The following SH3BGRL variants were observed in gnomAD, a reference collection of about 807,000 sequenced individuals.
SH3BGRL encodes the protein adapter SH3BGRL.
Under a neutral mutation model 9.8 loss-of-function variants are expected in SH3BGRL, and 7 were observed. That is an observed-to-expected ratio of 0.72 (90% CI 0.41 to 1.35). SH3BGRL has a LOEUF of 1.35. Ranked by LOEUF, SH3BGRL falls within the 40% of genes most tolerant of loss-of-function variation. SH3BGRL has a pLI of 0.01. For missense variants in SH3BGRL, 73 were observed against 84.4 expected, an observed-to-expected ratio of 0.86 and a Z score of 0.53; for synonymous variants, 36 against 29.1, an observed-to-expected ratio of 1.24 and a Z score of -0.76.
chrX:81,280,314 C>T (rs985429232), intron 3 of SH3BGRL, among the ~76,000 whole-genome samples: 2 of 111,151 alleles, frequency 1.8e-5, no homozygotes, highest in African/African-American at 6.6e-5. Flanking sequence ...GGTCCCTCTC[C>T]GCAATACTAC....
intron 1 of SH3BGRL, among the ~76,000 whole-genome samples, chrX:81,209,721 C>T (rs1003314531): frequency 1.4e-4 from 16 of 112,174 alleles, no homozygotes; most frequent in African/African-American, 5.2e-4. Context: ...CAAATGTGTT[C>T]TCATTCATAA....
chrX:81,212,804 T>C (rs1272922828), intron 1 of SH3BGRL, among the ~76,000 whole-genome samples: 1 of 111,969 alleles, frequency 8.9e-6, no homozygotes, highest in Non-Finnish European at 1.9e-5. Flanking sequence ...ACACAGCATG[T>C]GTGCACTTTC....
At chrX:81,236,227 G>T (rs2075647481) in intron 1 of SH3BGRL, among the ~76,000 whole-genome samples, 1 of 111,564 alleles carries the variant, frequency 9.0e-6, no homozygotes. Context: ...CATGCTAGGT[G>T]TGGAAAAATG....
intron 1 of SH3BGRL, chrX:81,202,634 A>G (rs1377054507): frequency 1.5e-6 from 1 of 680,788 alleles, no homozygotes; most frequent in Non-Finnish European, 1.8e-6. Context: ...GACAAGGAGG[A>G]GTGCACTTCT....
Position 81,248,234 on chromosome X carries a change from C to CA in SH3BGRL, c.46-28749dup, listed in dbSNP as rs200927105. 9.1e-3 allele frequency among the ~76,000 whole-genome samples: 1,010 copies of CA among 111,456 alleles called. 9 individuals are homozygous for CA. The highest frequency in any genetic ancestry group is 0.031 in the African/African-American group (945 of 30,643). On this transcript the variant is annotated intron_variant, in intron 1 of 3. Transcript: ENST00000373212. The stretch of plus-strand genomic sequence containing the variant: ...AATCTAGATAGTGTATGTCTTTCAG[C>CA]AGGTTTTATATTGTACCATGCAGGT...
chrX:81,270,330 C>T (rs762390875), intron 1 of SH3BGRL, among the ~76,000 whole-genome samples: 5 of 111,861 alleles, frequency 4.5e-5, no homozygotes, highest in Non-Finnish European at 9.4e-5. Context: ...CCTTTCTGCT[C>T]TGGTTTCTCA....
intron 3 of SH3BGRL, among the ~76,000 whole-genome samples, chrX:81,293,500 T>C (rs2075864604): frequency 9.0e-6 from 1 of 111,537 alleles, no homozygotes; most frequent in African/African-American, 3.3e-5. Flanking sequence ...CTGGCCAACA[T>C]GCTGAAACCC....
At chrX:81,264,446 A>T (rs964324764) in intron 1 of SH3BGRL, among the ~76,000 whole-genome samples, 12 of 111,900 alleles carry the variant, frequency 1.1e-4, no homozygotes, top group Non-Finnish European at 1.9e-4. Flanking sequence ...TGATATTCAG[A>T]AAACACTTAA....
At chrX:81,238,846 C>T (rs1453163025) in intron 1 of SH3BGRL, among the ~76,000 whole-genome samples, 2 of 106,248 alleles carry the variant, frequency 1.9e-5, no homozygotes, top group Admixed American at 1.0e-4. Flanking sequence ...GACTCCATTG[C>T]TTGGGAGAAG....
At chrX:81,205,306 A>G (rs1156380333) in intron 1 of SH3BGRL, among the ~76,000 whole-genome samples, 2 of 110,652 alleles carry the variant, frequency 1.8e-5, no homozygotes, top group Non-Finnish European at 3.8e-5. Context: ...TAGCTCCCAC[A>G]TGGGTGAGAA....
At chrX:81,275,425 C>T (rs2075795765) in intron 1 of SH3BGRL, among the ~76,000 whole-genome samples, 1 of 111,263 alleles carries the variant, frequency 9.0e-6, no homozygotes, top group South Asian at 3.8e-4. Flanking sequence ...AATAGGACAT[C>T]TTTATATCTA....
At chrX:81,291,804 T>A (rs1396936902) in intron 3 of SH3BGRL, among the ~76,000 whole-genome samples, 1 of 112,006 alleles carries the variant, frequency 8.9e-6, no homozygotes, top group Admixed American at 9.4e-5. Context: ...TGGCCAAAAC[T>A]GACAAAATTG....
intron 1 of SH3BGRL, among the ~76,000 whole-genome samples, chrX:81,228,872 G>A (rs1409360904): frequency 8.9e-6 from 1 of 111,900 alleles, no homozygotes; most frequent in Non-Finnish European, 1.9e-5. Context: ...TGCCACAAAT[G>A]ACTTATAGCT....
intron 1 of SH3BGRL, among the ~76,000 whole-genome samples, chrX:81,247,990 A>G (rs1490568262): frequency 9.3e-6 from 1 of 107,758 alleles, no homozygotes; most frequent in Non-Finnish European, 1.9e-5. Flanking sequence ...GGAACTCAGT[A>G]TTGGCCTGTT....
intron 1 of SH3BGRL, among the ~76,000 whole-genome samples, chrX:81,205,210 C>T (rs2075543071): frequency 9.0e-6 from 1 of 110,893 alleles, no homozygotes; most frequent in Non-Finnish European, 1.9e-5. Flanking sequence ...TAACCAACCT[C>T]TCTTAATCCT....
rs189286140 is a variant in SH3BGRL, at chrX:81,297,917, G to A, written c.*690G>A. On this transcript the variant is annotated 3_prime_UTR_variant, in exon 4 of 4. Transcript: ENST00000373212. Reference sequence around the variant, plus strand: ...GTTCCTTGTTTAACTACACAGCTATGATGGAATGATATATCCAAGTTCCTT... The same window carrying A: ...GTTCCTTGTTTAACTACACAGCTATAATGGAATGATATATCCAAGTTCCTT... The A allele has an allele frequency of 8.9e-5, 10 of 111,840 alleles. No homozygotes were observed. Among genetic ancestry groups the A allele is most frequent in the African/African-American group, 3.2e-4 (10 of 30,908 alleles). The allele number at this position is 111,840 out of a possible 1,213,427, so 9.2% of individuals were successfully genotyped here.
At chrX:81,271,708 A>G (rs1477139432) in intron 1 of SH3BGRL, among the ~76,000 whole-genome samples, 1 of 111,475 alleles carries the variant, frequency 9.0e-6, no homozygotes, top group Non-Finnish European at 1.9e-5. Context: ...CCAATCTAGC[A>G]AGACAGGCCA....
chrX:81,218,667 G>A (rs928633401), intron 1 of SH3BGRL, among the ~76,000 whole-genome samples: 5 of 98,816 alleles, frequency 5.1e-5, no homozygotes, highest in South Asian at 4.4e-4. Context: ...ATATCTGTAT[G>A]TATATATATA....
intron 1 of SH3BGRL, among the ~76,000 whole-genome samples, chrX:81,248,926 T>C (rs1225529643): frequency 9.0e-6 from 1 of 111,547 alleles, no homozygotes; most frequent in Non-Finnish European, 1.9e-5. Flanking sequence ...TTTTCTCACC[T>C]TTATCAGCTG....
Sources: allele counts gnomAD v4.1 joint callset (sites outside exome capture counted in the v4.1 genomes callset), GRCh38; gene constraint gnomAD v4.1.1; transcripts MANE v1.5; gene names NCBI Gene and HGNC (gene_info 2026-07-23, HGNC 2026-07-21).